The following AHRR variants were observed in gnomAD, a reference collection of about 807,000 sequenced individuals.
The protein encoded by AHRR is aryl hydrocarbon receptor repressor.
Under a neutral mutation model 44.0 loss-of-function variants are expected in AHRR, and 28 were observed. That is an observed-to-expected ratio of 0.64 (90% CI 0.47 to 0.87). The LOEUF is 0.87. AHRR is among the 40% of genes least tolerant of loss of function. The pLI is 0.00. For missense variants in AHRR, 990 were observed against 953.9 expected (o/e 1.04, Z -0.50); for synonymous variants, 434 against 407.0 (o/e 1.07, Z -0.80).
Position 411,556 on chromosome 5 carries a change from T to C in AHRR, c.352-1788T>C, listed in dbSNP as rs745801874. Reference sequence around the variant, plus strand: ...ATAGGGCAGTTTTCCAAAGAAGAAATACAAGTTACCAGTGAATGCAGGAAA... The same window carrying C: ...ATAGGGCAGTTTTCCAAAGAAGAAACACAAGTTACCAGTGAATGCAGGAAA... On this transcript the variant is annotated intron_variant, in intron 4 of 10. Coordinates refer to ENST00000684583, the MANE Select transcript of AHRR (RefSeq NM_001377236.1). This position sits in a 1 kb window ranked among gnomAD's most constrained non-coding sequence, Gnocchi z 4.2. Among the ~76,000 whole-genome samples the C allele has an allele frequency of 5.9e-5, 9 of 152,060 alleles. No homozygotes were observed. The highest frequency in any genetic ancestry group is 1.0e-4 in the Non-Finnish European group (7 of 67,994).
intron 1 of AHRR, among the ~76,000 whole-genome samples, chr5:332,645 G>A (rs983976121): frequency 6.6e-6 from 1 of 152,194 alleles, no homozygotes; most frequent in African/African-American, 2.4e-5. Flanking sequence ...ATCTTCTGCA[G>A]TTGTTGGGGA....
At chr5:364,279 G>A (rs1382249043) in intron 3 of AHRR, among the ~76,000 whole-genome samples, 3 of 152,210 alleles carry the variant, frequency 2.0e-5, no homozygotes, top group Non-Finnish European at 2.9e-5. Flanking sequence ...ATTCCAGGTG[G>A]AAGATTTGAG....
At chr5:376,549 T>TCAATGA (rs1733683328) in intron 3 of AHRR, 61 bp from the exon 4 acceptor site, 5 of 1,410,078 alleles carry the variant, frequency 3.5e-6, no homozygotes, top group South Asian at 2.8e-5. Flanking sequence ...AAGATGTGAA[T>TCAATGA]GAAGAAGAGT....
rs567120813 is a variant in AHRR at position 400,521 on chromosome 5, G to A, written c.352-12823G>A. On this transcript the variant is annotated intron_variant, in intron 4 of 10. Transcript: ENST00000684583. ...AACCTTAGAGCCAAATCCTTTTTCC[G>A]TTTGGAAAAGTGATCTCATTTTCCA... Among the ~76,000 whole-genome samples, 34 of 151,600 alleles carry A rather than the reference G, an allele frequency of 2.2e-4. No individual in the cohort carries two copies. The East Asian group carries it at 4.1e-3, about 18-fold the overall frequency.
chr5:353,205 T>G (rs540260467), intron 2 of AHRR, among the ~76,000 whole-genome samples: 3 of 152,142 alleles, frequency 2.0e-5, no homozygotes, highest in Admixed American at 6.5e-5. Context: ...AGCCCCAGCA[T>G]GTACAGGAGA....
intron 5 of AHRR, among the ~76,000 whole-genome samples, chr5:413,937 G>A (rs1027473551): frequency 6.6e-6 from 1 of 152,206 alleles, no homozygotes; most frequent in Non-Finnish European, 1.5e-5. Flanking sequence ...ACCAAGCCCT[G>A]GAAGGGCAAC....
At chr5:343,612 A>G in intron 1 of AHRR, 2 of 440,372 alleles carry the variant, frequency 4.5e-6, no homozygotes, top group South Asian at 3.4e-5. Context: ...CGGCGCCCTG[A>G]GCCAGGCTCC....
At chr5:353,148 C>T (rs750626332) in intron 2 of AHRR, among the ~76,000 whole-genome samples, 43 of 152,160 alleles carry the variant, frequency 2.8e-4, no homozygotes, top group Non-Finnish European at 5.6e-4. Context: ...TGTGGGGCCC[C>T]AGAGTGGCAG....
intron 4 of AHRR, among the ~76,000 whole-genome samples, chr5:400,611 A>C (rs1734974760): frequency 6.6e-6 from 1 of 152,236 alleles, no homozygotes; most frequent in Non-Finnish European, 1.5e-5. Flanking sequence ...AGAGAAAACA[A>C]ACAGACGTTC....
intron 5 of AHRR, among the ~76,000 whole-genome samples, chr5:420,463 T>G (rs1253802832): frequency 6.6e-6 from 1 of 152,144 alleles, no homozygotes; most frequent in Admixed American, 6.5e-5. Flanking sequence ...CCTTTGCAGT[T>G]GAACGGAGGT....
intron 6 of AHRR, 51 bp from the exon 7 acceptor site, chr5:423,788 CGT>C: frequency 1.3e-6 from 2 of 1,548,682 alleles, no homozygotes; most frequent in South Asian, 2.3e-5. Context: ...GCGTGTGACA[CGT>C]GTGTTTTGGC....
chr5:386,428 G>A (rs183672028), intron 4 of AHRR, among the ~76,000 whole-genome samples: 3 of 152,318 alleles, frequency 2.0e-5, no homozygotes, highest in East Asian at 3.9e-4. Context: ...CAGGTTCACC[G>A]TAATCACAAG....
In AHRR at chr5:433,835, C is replaced by T. The variant is rs1736854303; in HGVS notation, c.1113-18C>T. The T allele has an allele frequency of 1.4e-6, 2 of 1,480,594 alleles. No individual in the cohort carries two copies. The highest frequency in any genetic ancestry group is 2.4e-4 in the Middle Eastern group (1 of 4,096). 91.7% of individuals were successfully genotyped at this position (1,480,594 alleles called of 1,614,324 possible). A position where few individuals can be genotyped will look rare whatever the true frequency, so the allele number is the denominator to read the frequency against. On this transcript the variant is annotated intron_variant, in intron 10 of 10. Coordinates refer to ENST00000684583, the MANE Select transcript of AHRR (RefSeq NM_001377236.1). ...TGTCTTCAGCTGCTGTCAAATGGGC[C>T]CCGTCTTTTCTCTGCAGGGACAGGG...
intron 10 of AHRR, among the ~76,000 whole-genome samples, chr5:433,323 C>T (rs1433559672): frequency 1.3e-5 from 2 of 152,154 alleles, no homozygotes; most frequent in African/African-American, 2.4e-5. Context: ...GCCTGCCACC[C>T]AGGTGGGCCT....
intron 8 of AHRR, among the ~76,000 whole-genome samples, chr5:430,562 G>A (rs1221884066): frequency 6.6e-6 from 1 of 152,254 alleles, no homozygotes; most frequent in African/African-American, 2.4e-5. Context: ...CCACCTTGCC[G>A]GCACTCACGG....
chr5:350,404 C>T (rs916123975), intron 2 of AHRR, among the ~76,000 whole-genome samples: 3 of 152,180 alleles, frequency 2.0e-5, no homozygotes, highest in South Asian at 4.1e-4. Flanking sequence ...TGCTGATGGG[C>T]GTTGATGAAT....
chr5:381,506 CTTTTTT>C (rs781159124), intron 4 of AHRR, among the ~76,000 whole-genome samples: 6 of 46,890 alleles, frequency 1.3e-4, no homozygotes, highest in African/African-American at 4.6e-4. Flanking sequence ...CTTAGGTTTG[CTTTTTT>C]TTTTTTTTTT....
chr5:376,559 T>TGAATGAATGAGAAACGTGGGGTGAACGC, intron 3 of AHRR, 51 bp from the exon 4 acceptor site: 1 of 241,106 alleles, frequency 4.1e-6, no homozygotes. Flanking sequence ...TGAAGAAGAG[T>TGAATGAATGAGAAACGTGGGGTGAACGC]GGCCAGGCCA....
In AHRR at chr5:359,344, GTC is replaced by G. The variant is rs1292023844; in HGVS notation, c.244+5434_244+5435del. Among the ~76,000 whole-genome samples the G allele has an allele frequency of 5.6e-5, 5 of 89,084 alleles. 1 individual carries two copies. The highest frequency in any genetic ancestry group is 1.1e-4 in the Admixed American group (1 of 8,926). 58.4% of individuals were successfully genotyped at this position (89,084 alleles called of 152,430 possible). A position where few individuals can be genotyped will look rare whatever the true frequency, so the allele number is the denominator to read the frequency against. On this transcript the variant is annotated intron_variant, in intron 3 of 10. Transcript: ENST00000684583. ...GAGCGCCCGCGAGGGGAGGCCCTCAGTCACGGAGTCCACCCGGGCAGTCAGCG... is the reference window on the plus strand; with the variant it reads ...GAGCGCCCGCGAGGGGAGGCCCTCAGACGGAGTCCACCCGGGCAGTCAGCG...
Sources: gnomAD v4.1 joint callset for allele counts (sites outside exome capture counted in the v4.1 genomes callset) on GRCh38, gnomAD v4.1.1 for gene constraint, Gnocchi (gnomAD v3.1) non-coding constraint, MANE v1.5 for transcripts, NCBI Gene and HGNC (gene_info 2026-07-23, HGNC 2026-07-21) for gene names.